The following SLC10A2 variants were observed in gnomAD, a reference collection of about 807,000 sequenced individuals.
SLC10A2 encodes the protein solute carrier family 10 member 2.
In SLC10A2, 34 loss-of-function variants were observed where a neutral mutation model predicts 27.1. The ratio of observed to expected loss-of-function variants is 1.26; its 90% CI spans 0.96 to 1.67. The LOEUF is 1.67. SLC10A2 is among the 40% of genes most tolerant of loss of function. The pLI, the probability that SLC10A2 is intolerant of heterozygous loss-of-function variation, is 0.00. For synonymous variants in SLC10A2, 205 were observed against 174.0 expected, an observed-to-expected ratio of 1.18 and a Z score of -1.40; for missense variants, 530 against 444.4, an observed-to-expected ratio of 1.19 and a Z score of -1.73.
At chr13:103,065,438 A>C (rs1271398106) in intron 1 of SLC10A2, among the ~76,000 whole-genome samples, 2 of 152,200 alleles carry the variant, frequency 1.3e-5, no homozygotes, top group Non-Finnish European at 2.9e-5. Context: ...CCACTGTCTC[A>C]CTACAGGTTC....
At position 103,066,150 on chromosome 13, in the gene SLC10A2, G is replaced by A; in HGVS notation, c.100C>T (p.Leu34=). 1 of 1,614,088 alleles carries A rather than the reference G, an allele frequency of 6.2e-7. No individual in the cohort carries two copies. ...AACAGGATGGTCAGCACCGTACTTAGGACCACACTTAGGATGTTATTGAAA... is the reference window on the plus strand; with the variant it reads ...AACAGGATGGTCAGCACCGTACTTAAGACCACACTTAGGATGTTATTGAAA... ...SNFNNILSVV[L]STVLTILLAL... Residue 34 remains leucine, a synonymous_variant, in exon 1 of 6, where the codon CTA becomes TTA. Transcript: ENST00000245312.
chr13:103,045,850 G>T lies in SLC10A2; in HGVS notation c.*283C>A. Reference sequence around the variant, plus strand: ...TTCATTCTCGGTGTTCCCTATGTCAGGTTTAGTCTGAGAATATTTTGGGGG... The same window carrying T: ...TTCATTCTCGGTGTTCCCTATGTCATGTTTAGTCTGAGAATATTTTGGGGG... On this transcript the variant is annotated 3_prime_UTR_variant, in exon 6 of 6. Coordinates refer to ENST00000245312, the MANE Select transcript of SLC10A2 (RefSeq NM_000452.3). 1 of 267,368 alleles carries T rather than the reference G, an allele frequency of 3.7e-6. No individual in the cohort carries two copies. 16.6% of individuals were successfully genotyped at this position (267,368 alleles called of 1,614,324 possible). A position where few individuals can be genotyped will look rare whatever the true frequency, so the allele number is the denominator to read the frequency against.
At chr13:103,052,836 G>A in intron 2 of SLC10A2, 128 bp from the exon 3 acceptor site, 1 of 703,864 alleles carries the variant, frequency 1.4e-6, no homozygotes, top group Non-Finnish European at 2.6e-6. Context: ...ACACAAAACA[G>A]AATACAGAAT....
intron 2 of SLC10A2, among the ~76,000 whole-genome samples, chr13:103,053,376 T>C (rs1237861196): frequency 6.6e-6 from 1 of 152,194 alleles, no homozygotes; most frequent in African/African-American, 2.4e-5. Flanking sequence ...CGAACTCTCA[T>C]GTAATTATAG....
chr13:103,051,290 A>G lies in SLC10A2; in HGVS notation c.728T>C (p.Leu243Pro), dbSNP rs121917848. ...GGGTAGACCAGCAATTCTAGCCAGA[A>G]GAAACCCCAGGGAGTAACCCGCCAC... is the stretch of plus-strand genomic sequence containing the variant. ...FPVAGYSLGFLLARIAGLPWY... is the reference protein window; with the variant it reads ...FPVAGYSLGFPLARIAGLPWY... The change falls in exon 4 of 6, where the codon CTT becomes CCT. Residue 243 changes from leucine to proline, a missense_variant. Leu to Pro is a moderately conservative substitution (Grantham distance 98). Coordinates refer to ENST00000245312, the MANE Select transcript of SLC10A2 (RefSeq NM_000452.3). 6.2e-7 allele frequency: 1 copy of G among 1,614,154 alleles called. No individual in the cohort carries two copies. The highest frequency in any genetic ancestry group is 8.5e-7 in the Non-Finnish European group (1 of 1,180,008).
At chr13:103,056,309 G>A (rs150104407) in intron 2 of SLC10A2, among the ~76,000 whole-genome samples, 1,585 of 151,922 alleles carry the variant, frequency 0.01, 27 homozygotes, top group African/African-American at 0.037. Context: ...CTCTTTTTCC[G>A]TTTTCTTTTC....
At chr13:103,048,676 G>A (rs954209537) in intron 5 of SLC10A2, among the ~76,000 whole-genome samples, 3 of 152,164 alleles carry the variant, frequency 2.0e-5, no homozygotes, top group African/African-American at 7.2e-5. Context: ...AGGCCAGTGG[G>A]CGGTGGGGCC....
rs201168803 is a variant in SLC10A2 at position 103,066,050 on chromosome 13, C to T, written c.200G>A (p.Gly67Asp). 14 of 1,614,040 alleles carry T rather than the reference C, an allele frequency of 8.7e-6. No individual in the cohort carries two copies. Among genetic ancestry groups the T allele is most frequent in the Admixed American group, 5.0e-5 (3 of 60,002 alleles). ...KFLGHIKRPWGICVGFLCQFG... is the reference protein window; with the variant it reads ...KFLGHIKRPWDICVGFLCQFG... ...CTGACAGAGGAAGCCAACACAAATGCCCCACGGCCGCTTTATGTGCCCTAG... is the reference window on the plus strand; with the variant it reads ...CTGACAGAGGAAGCCAACACAAATGTCCCACGGCCGCTTTATGTGCCCTAG... Residue 67 changes from glycine to aspartate, a missense_variant, in exon 1 of 6, where the codon GGC becomes GAC. Physicochemically the swap from Gly to Asp is moderately conservative, Grantham distance 94. Transcript: ENST00000245312.
At chr13:103,057,327 C>A (rs2138920026) in intron 2 of SLC10A2, among the ~76,000 whole-genome samples, 1 of 152,274 alleles carries the variant, frequency 6.6e-6, no homozygotes, top group Non-Finnish European at 1.5e-5. Context: ...CCCTAAGTTA[C>A]AACAATAACT....
At chr13:103,058,902 A>G (rs1227193400) in intron 1 of SLC10A2, among the ~76,000 whole-genome samples, 1 of 152,216 alleles carries the variant, frequency 6.6e-6, no homozygotes, top group Admixed American at 6.5e-5. Flanking sequence ...CATTGTAAAT[A>G]GTGCTGCGGT....
At chr13:103,058,899 A>T (rs986460057) in intron 1 of SLC10A2, among the ~76,000 whole-genome samples, 1 of 152,214 alleles carries the variant, frequency 6.6e-6, no homozygotes, top group Admixed American at 6.5e-5. Context: ...TGCCATTGTA[A>T]ATAGTGCTGC....
chr13:103,051,308 C>G lies in SLC10A2; in HGVS notation c.710G>C (p.Gly237Ala). Residue 237 changes from glycine (G) to alanine (A), a missense_variant, in exon 4 of 6, where the codon GGT (glycine) becomes GCT (alanine). Transcript: ENST00000245312. The stretch of plus-strand genomic sequence containing the variant: ...AGCCAGAAGAAACCCCAGGGAGTAA[C>G]CCGCCACAGGAAATATTGTTCCTAT... ...WIIGTIFPVA[G>A]YSLGFLLARI... 3.1e-6 allele frequency: 5 copies of G among 1,614,066 alleles called. No homozygotes were observed. The highest frequency in any genetic ancestry group is 4.2e-6 in the Non-Finnish European group (5 of 1,179,996).
At position 103,065,977 on chromosome 13, in the gene SLC10A2, G is replaced by A. The variant is rs1876262370; in HGVS notation, c.273C>T (p.Asp91=). ...CCACTACGGCCTGGAGCGGGAGGATGTCAAAGGCCACCGACAGGATGAATC... is the reference window on the plus strand; with the variant it reads ...CCACTACGGCCTGGAGCGGGAGGATATCAAAGGCCACCGACAGGATGAATC... ...LTGFILSVAF[D]ILPLQAVVVL... The change falls in exon 1 of 6, where the codon GAC becomes GAT. Residue 91 remains aspartate, a synonymous_variant. Coordinates refer to ENST00000245312, the MANE Select transcript of SLC10A2 (RefSeq NM_000452.3). 1 of 1,614,000 alleles carries A rather than the reference G, an allele frequency of 6.2e-7. No individual in the cohort carries two copies. The highest frequency in any genetic ancestry group is 1.3e-5 in the African/African-American group (1 of 74,924).
intron 2 of SLC10A2, among the ~76,000 whole-genome samples, chr13:103,056,706 A>G (rs1188690739): frequency 2.0e-5 from 3 of 152,060 alleles, no homozygotes; most frequent in Non-Finnish European, 4.4e-5. Context: ...GCATGAAGGC[A>G]AAAGCAGGTG....
At chr13:103,060,840 G>A (rs1876094304) in intron 1 of SLC10A2, among the ~76,000 whole-genome samples, 1 of 151,954 alleles carries the variant, frequency 6.6e-6, no homozygotes, top group Non-Finnish European at 1.5e-5. Flanking sequence ...TATTATGGGT[G>A]TACTTGAAAG....
chr13:103,046,166 C>G lies in SLC10A2; in HGVS notation c.1014G>C (p.Lys338Asn). Residue 338 changes from lysine to asparagine, a missense_variant, in exon 6 of 6, where the codon AAG becomes AAC. Transcript: ENST00000245312. Reference sequence around the variant, plus strand: ...CGTCAGGTTGAAATCCTCCATTTGCCTTATAAAACGATGACTCTGGCTCCG... The same window carrying G: ...CGTCAGGTTGAAATCCTCCATTTGCGTTATAAAACGATGACTCTGGCTCCG... ...NGTEPESSFY[K>N]ANGGFQPDEK 1 of 1,613,928 alleles carries G rather than the reference C, an allele frequency of 6.2e-7. No homozygotes were observed.
At chr13:103,048,432 AAG>A (rs1281820470) in intron 5 of SLC10A2, among the ~76,000 whole-genome samples, 1 of 151,568 alleles carries the variant, frequency 6.6e-6, no homozygotes, top group African/African-American at 2.4e-5. Context: ...AAAAAAAGAA[AAG>A]AGAGAGAGAG....
intron 1 of SLC10A2, among the ~76,000 whole-genome samples, chr13:103,061,524 G>A (rs931818076): frequency 2.6e-5 from 4 of 151,998 alleles, no homozygotes; most frequent in Admixed American, 2.6e-4. Flanking sequence ...TTTAAAATGT[G>A]AGAAAATGTT....
At chr13:103,056,045 T>C (rs1453662554) in intron 2 of SLC10A2, among the ~76,000 whole-genome samples, 1 of 152,248 alleles carries the variant, frequency 6.6e-6, no homozygotes, top group Non-Finnish European at 1.5e-5. Flanking sequence ...GATGTCTGGC[T>C]CCAGCCAATG....
Sources: gnomAD v4.1 joint callset for allele counts (sites outside exome capture counted in the v4.1 genomes callset) on GRCh38, gnomAD v4.1.1 for gene constraint, MANE v1.5 for transcripts, NCBI Gene and HGNC (gene_info 2026-07-23, HGNC 2026-07-21) for gene names.